The following STK39 variants were observed in gnomAD, a reference collection of about 807,000 sequenced individuals.
STK39 encodes STE20/SPS1-related proline-alanine-rich protein kinase.
Under a neutral mutation model 77.8 loss-of-function variants are expected in STK39, and 20 were observed. The ratio of observed to expected loss-of-function variants is 0.26; its 90% CI spans 0.18 to 0.37. The LOEUF is 0.37. Among genes scored for constraint, STK39 ranks in the 10% least tolerant of loss-of-function variants. STK39 has a pLI of 1.00. For missense variants in STK39, 479 were observed against 656.5 expected, an observed-to-expected ratio of 0.73 and a Z score of 2.95; for synonymous variants, 246 against 234.1, an observed-to-expected ratio of 1.05 and a Z score of -0.47.
chr2:168,198,900 A>C (rs1390959321), intron 1 of STK39, among the ~76,000 whole-genome samples: 1 of 152,258 alleles, frequency 6.6e-6, no homozygotes, highest in Non-Finnish European at 1.5e-5. Flanking sequence ...TAAATGTTAC[A>C]GGGAGAGAGA....
At chr2:167,995,114 T>TG (rs1683800747) in intron 16 of STK39, among the ~76,000 whole-genome samples, 1 of 151,624 alleles carries the variant, frequency 6.6e-6, no homozygotes, top group Non-Finnish European at 1.5e-5. Flanking sequence ...TCTTTTGTTT[T>TG]GTTTTTTGTT....
intron 2 of STK39, among the ~76,000 whole-genome samples, chr2:168,174,593 G>A (rs1688909938): frequency 6.6e-6 from 1 of 152,054 alleles, no homozygotes. Context: ...TAAAAGTGCT[G>A]AGGGTGCCAC....
intron 10 of STK39, among the ~76,000 whole-genome samples, chr2:168,075,619 C>T (rs527962614): frequency 6.6e-6 from 1 of 151,872 alleles, no homozygotes; most frequent in African/African-American, 2.4e-5. Flanking sequence ...CAAGCAACAT[C>T]CTGCTGACTG....
intron 1 of STK39, among the ~76,000 whole-genome samples, chr2:168,217,893 A>C (rs969468433): frequency 2.6e-5 from 4 of 152,332 alleles, no homozygotes; most frequent in Admixed American, 2.6e-4. Flanking sequence ...CAGCCCTAGA[A>C]ACATAGTCTC....
At chr2:168,036,335 A>T (rs1684952785) in intron 14 of STK39, among the ~76,000 whole-genome samples, 1 of 151,938 alleles carries the variant, frequency 6.6e-6, no homozygotes, top group Non-Finnish European at 1.5e-5. Flanking sequence ...CTTTGGGAGG[A>T]TATACTACAA....
At chr2:168,090,485 A>G (rs1686490116) in intron 10 of STK39, among the ~76,000 whole-genome samples, 2 of 152,090 alleles carry the variant, frequency 1.3e-5, no homozygotes, top group Admixed American at 1.3e-4. Context: ...AGTAAAGAGG[A>G]CTCCATTAGT....
intron 2 of STK39, among the ~76,000 whole-genome samples, chr2:168,179,866 C>T (rs1466236139): frequency 3.3e-5 from 5 of 152,160 alleles, no homozygotes; most frequent in African/African-American, 1.2e-4. Flanking sequence ...GAAACGCTAG[C>T]AGAGGGAAAC....
intron 5 of STK39, among the ~76,000 whole-genome samples, chr2:168,147,526 T>G (rs1257011732): frequency 6.6e-6 from 1 of 152,208 alleles, no homozygotes; most frequent in African/African-American, 2.4e-5. Flanking sequence ...ATTTCCTTAT[T>G]TTCATATTAT....
intron 1 of STK39, among the ~76,000 whole-genome samples, chr2:168,218,126 G>A (rs1012767681): frequency 2.0e-5 from 3 of 152,188 alleles, no homozygotes; most frequent in African/African-American, 7.2e-5. Flanking sequence ...AAAGGGAATT[G>A]TAATGGAGAA....
At chr2:168,091,693 T>C (rs1413973213) in intron 10 of STK39, among the ~76,000 whole-genome samples, 1 of 152,196 alleles carries the variant, frequency 6.6e-6, no homozygotes, top group Non-Finnish European at 1.5e-5. Flanking sequence ...GTTACCTTTT[T>C]TTTAATGAAA....
intron 5 of STK39, among the ~76,000 whole-genome samples, chr2:168,143,026 G>A (rs1302180911): frequency 6.6e-6 from 1 of 152,138 alleles, no homozygotes; most frequent in Non-Finnish European, 1.5e-5. Flanking sequence ...GTTTCCTAAG[G>A]GGTACATCTA....
At chr2:167,992,554 C>T (rs1372468220) in intron 16 of STK39, among the ~76,000 whole-genome samples, 1 of 152,112 alleles carries the variant, frequency 6.6e-6, no homozygotes, top group Non-Finnish European at 1.5e-5. Flanking sequence ...GAAAAGAATT[C>T]CATAGGCAAA....
At chr2:168,048,845 C>T (rs796454623) in intron 14 of STK39, among the ~76,000 whole-genome samples, 12 of 152,354 alleles carry the variant, frequency 7.9e-5, no homozygotes, top group African/African-American at 2.6e-4. Flanking sequence ...CCTAGCTCTG[C>T]AATGCCTCTG....
In STK39 at chr2:168,012,676, G is replaced by C; in HGVS notation, c.1456C>G (p.Leu486Val). 1 of 1,613,702 alleles carries C rather than the reference G, an allele frequency of 6.2e-7. No individual in the cohort carries two copies. Among genetic ancestry groups the C allele is most frequent in the Non-Finnish European group, 8.5e-7 (1 of 1,179,792 alleles). Residue 486 changes from leucine (L) to valine (V), a missense_variant, in exon 16 of 18, where the codon CTC becomes GTC. Physicochemically the swap from Leu to Val is conservative, Grantham distance 32 (BLOSUM62 1). Around this residue, in one of 3 missense-constraint regions of STK39, gnomAD observed 244 missense variants for 296.8 expected, o/e 0.82. Coordinates refer to ENST00000355999, the MANE Select transcript of STK39 (RefSeq NM_013233.3). Reference sequence around the variant, plus strand: ...CCATCCACCAAGCCAGCAGAGAAGAGCTCCTGAGATACACCATCTGCTGTA... The same window carrying C: ...CCATCCACCAAGCCAGCAGAGAAGACCTCCTGAGATACACCATCTGCTGTA... Reference protein sequence around the residue: ...RDTADGVSQELFSAGLVDGHD... With the variant: ...RDTADGVSQEVFSAGLVDGHD...
intron 14 of STK39, among the ~76,000 whole-genome samples, chr2:168,018,546 G>GA (rs374817786): frequency 5.1e-4 from 56 of 109,358 alleles, no homozygotes; most frequent in South Asian, 1.5e-3. Flanking sequence ...AGAAAAGAAA[G>GA]AAAGAAAGAA....
intron 1 of STK39, among the ~76,000 whole-genome samples, chr2:168,205,838 TAAAGA>T (rs2105685018): frequency 6.6e-6 from 1 of 152,100 alleles, no homozygotes; most frequent in East Asian, 1.9e-4. Context: ...AATTTAAAAA[TAAAGA>T]AAATTATATC....
At chr2:168,205,326 G>A (rs7569501) in intron 1 of STK39, among the ~76,000 whole-genome samples, 1 of 151,930 alleles carries the variant, frequency 6.6e-6, no homozygotes, top group Non-Finnish European at 1.5e-5. Flanking sequence ...AAAATATTAA[G>A]TGTGGTTATC....
chr2:168,241,398 T>C (rs1435071710), intron 1 of STK39, among the ~76,000 whole-genome samples: 1 of 152,190 alleles, frequency 6.6e-6, no homozygotes, highest in East Asian at 1.9e-4. Flanking sequence ...CGGAGCCCTC[T>C]CATAATGGGC....
At chr2:167,968,041 T>G (rs2105245999) in intron 16 of STK39, among the ~76,000 whole-genome samples, 1 of 151,798 alleles carries the variant, frequency 6.6e-6, no homozygotes, top group East Asian at 2.0e-4. Flanking sequence ...ACATGCGGTA[T>G]TTGGTTTTCT....
Sources: gnomAD v4.1 joint callset for allele counts (sites outside exome capture counted in the v4.1 genomes callset) on GRCh38, gnomAD v4.1.1 for gene constraint, gnomAD v4.1.1 regional missense constraint, MANE v1.5 for transcripts, NCBI Gene and HGNC (gene_info 2026-07-23, HGNC 2026-07-21) for gene names.